Variants in CYYR1 observed in about 807,000 individuals in gnomAD.
The protein encoded by CYYR1 is cysteine and tyrosine rich 1.
CYYR1 carries 14 observed loss-of-function variants against 15.2 expected under a neutral mutation model. The ratio of observed to expected loss-of-function variants is 0.92; its 90% CI spans 0.61 to 1.44. CYYR1 has a LOEUF of 1.44. Among genes scored for constraint, CYYR1 ranks in the 40% most tolerant of loss-of-function variants. CYYR1 has a pLI of 0.00. For missense variants in CYYR1, 228 were observed against 209.5 expected, an observed-to-expected ratio of 1.09 and a Z score of -0.54; for synonymous variants, 80 against 77.4, an observed-to-expected ratio of 1.03 and a Z score of -0.18.
intron 2 of CYYR1, among the ~76,000 whole-genome samples, chr21:26,495,153 G>A (rs898184468): frequency 1.3e-5 from 2 of 152,178 alleles, no homozygotes; most frequent in East Asian, 3.8e-4. Context: ...TGCCTATGTG[G>A]ACAGGCGGAA....
intron 2 of CYYR1, among the ~76,000 whole-genome samples, chr21:26,528,164 A>G (rs555505812): frequency 6.6e-6 from 1 of 152,334 alleles, no homozygotes; most frequent in African/African-American, 2.4e-5. Context: ...TTAATAGCTA[A>G]ATATCTTTTT....
At chr21:26,503,707 G>A (rs1330231856) in intron 2 of CYYR1, 1 of 152,098 alleles carries the variant, frequency 6.6e-6, no homozygotes, top group African/African-American at 2.4e-5. Flanking sequence ...TCCTCAGTAA[G>A]TAATATTTTT....
chr21:26,570,626 T>C (rs767067625), intron 1 of CYYR1, among the ~76,000 whole-genome samples: 12 of 152,216 alleles, frequency 7.9e-5, no homozygotes, highest in Non-Finnish European at 1.3e-4. Context: ...CCAAATGAAA[T>C]GTGAATCTAA....
At chr21:26,514,340 C>T (rs528939597) in intron 2 of CYYR1, among the ~76,000 whole-genome samples, 1 of 152,188 alleles carries the variant, frequency 6.6e-6, no homozygotes, top group East Asian at 1.9e-4. Flanking sequence ...CCTTGGTACT[C>T]GTGGTAATGA....
At chr21:26,533,352 C>T (rs2065956649) in intron 2 of CYYR1, among the ~76,000 whole-genome samples, 2 of 151,818 alleles carry the variant, frequency 1.3e-5, no homozygotes, top group African/African-American at 2.4e-5. Flanking sequence ...AGCTGCAGAA[C>T]CAGGAAAGCT....
At chr21:26,517,240 T>C (rs1378125981) in intron 2 of CYYR1, among the ~76,000 whole-genome samples, 2 of 139,566 alleles carry the variant, frequency 1.4e-5, no homozygotes, top group African/African-American at 5.4e-5. Context: ...GTGAAAGAAA[T>C]AGGGCAGCTC....
chr21:26,527,390 T>C (rs1405384156), intron 2 of CYYR1, among the ~76,000 whole-genome samples: 1 of 152,158 alleles, frequency 6.6e-6, no homozygotes, highest in African/African-American at 2.4e-5. Context: ...TATAACCCAA[T>C]TTACATAACC....
At chr21:26,472,161 A>T (rs1343628822) in intron 3 of CYYR1, among the ~76,000 whole-genome samples, 4 of 152,208 alleles carry the variant, frequency 2.6e-5, no homozygotes, top group Non-Finnish European at 5.9e-5. Context: ...AGTATGGCCT[A>T]TACTTTTTCA....
intron 3 of CYYR1, among the ~76,000 whole-genome samples, chr21:26,469,315 T>C (rs1374564065): frequency 6.6e-6 from 1 of 151,834 alleles, no homozygotes; most frequent in Non-Finnish European, 1.5e-5. Context: ...ACTCCTATAA[T>C]TGGAGGGGGG....
At chr21:26,533,732 C>T (rs2065961745) in intron 2 of CYYR1, among the ~76,000 whole-genome samples, 1 of 152,112 alleles carries the variant, frequency 6.6e-6, no homozygotes. Context: ...TAGGTTGTTG[C>T]TATTGCTGTT....
At chr21:26,519,735 G>A (rs1482761219) in intron 2 of CYYR1, among the ~76,000 whole-genome samples, 1 of 152,136 alleles carries the variant, frequency 6.6e-6, no homozygotes, top group African/African-American at 2.4e-5. Context: ...AGAAACAACA[G>A]ATGCTGGTGA....
intron 2 of CYYR1, among the ~76,000 whole-genome samples, chr21:26,519,741 G>A (rs114664481): frequency 0.02 from 2,989 of 152,224 alleles, 116 homozygotes; most frequent in African/African-American, 0.069. Flanking sequence ...AACAGATGCT[G>A]GTGAGGCTGT....
At chr21:26,519,170 T>A (rs2065771519) in intron 2 of CYYR1, among the ~76,000 whole-genome samples, 2 of 152,210 alleles carry the variant, frequency 1.3e-5, no homozygotes, top group Admixed American at 1.3e-4. Flanking sequence ...CTATTTCAGA[T>A]GTTTGGAATA....
chr21:26,469,803 C>A (rs373678993), intron 3 of CYYR1, among the ~76,000 whole-genome samples: 18 of 152,230 alleles, frequency 1.2e-4, no homozygotes, highest in African/African-American at 4.3e-4. Flanking sequence ...CCTCTAGTAT[C>A]CTCTGTTCTA....
At chr21:26,512,779 G>A (rs2065667563) in intron 2 of CYYR1, among the ~76,000 whole-genome samples, 1 of 152,128 alleles carries the variant, frequency 6.6e-6, no homozygotes, top group Non-Finnish European at 1.5e-5. Context: ...CACGTGGCCT[G>A]CAAAGCCTAA....
At chr21:26,507,571 A>T (rs2065585673) in intron 2 of CYYR1, among the ~76,000 whole-genome samples, 1 of 152,230 alleles carries the variant, frequency 6.6e-6, no homozygotes, top group Non-Finnish European at 1.5e-5. Flanking sequence ...TGAGGTCAGC[A>T]TTAAGAAGCA....
intron 3 of CYYR1, chr21:26,477,994 A>G (rs1304829075): frequency 1.3e-6 from 2 of 1,523,888 alleles, no homozygotes; most frequent in African/African-American, 1.4e-5. Flanking sequence ...GTATTGATAT[A>G]TGATTAATTC....
At chr21:26,570,577 G>A (rs1270267349) in intron 1 of CYYR1, among the ~76,000 whole-genome samples, 4 of 152,190 alleles carry the variant, frequency 2.6e-5, no homozygotes, top group African/African-American at 9.7e-5. Flanking sequence ...AGTACAACAT[G>A]ATGCTTCAGG....
At chr21:26,537,657 C>A (rs139633089) in intron 2 of CYYR1, among the ~76,000 whole-genome samples, 1 of 152,136 alleles carries the variant, frequency 6.6e-6, no homozygotes, top group African/African-American at 2.4e-5. Context: ...TAACCTCCAA[C>A]TGCAGCAGGG....
Sources: gnomAD v4.1 joint callset for allele counts (sites outside exome capture counted in the v4.1 genomes callset) on GRCh38, gnomAD v4.1.1 for gene constraint, MANE v1.5 for transcripts, NCBI Gene and HGNC (gene_info 2026-07-23, HGNC 2026-07-21) for gene names.